DCC: variants seen among roughly 807,000 people sequenced by gnomAD.
DCC encodes the protein netrin receptor DCC.
A neutral mutation model predicts 172.5 loss-of-function variants in DCC; 58 were observed. That is an observed-to-expected ratio of 0.34 (90% CI 0.27 to 0.42). The LOEUF (loss-of-function observed/expected upper bound fraction) is 0.42, where lower values mean the gene tolerates loss of function less well. Ranked by LOEUF, DCC falls within the 10% of genes least tolerant of loss-of-function variation. DCC has a pLI of 1.00. For missense variants in DCC, 1,740 were observed against 1,791.0 expected (o/e 0.97, Z 0.51); for synonymous variants, 709 against 644.5 (o/e 1.10, Z -1.52).
chr18:53,293,206 C>G (rs2057025637), intron 12 of DCC, among the ~76,000 whole-genome samples: 1 of 152,168 alleles, frequency 6.6e-6, no homozygotes. Flanking sequence ...CATCCATGTT[C>G]ATACAGTCCG....
intron 1 of DCC, among the ~76,000 whole-genome samples, chr18:52,415,850 G>A (rs1329390068): frequency 1.3e-5 from 2 of 152,100 alleles, no homozygotes; most frequent in Non-Finnish European, 2.9e-5. Context: ...ATTTTTGAAG[G>A]ATTTTTTGTG....
At chr18:52,372,620 T>C (rs1386035641) in intron 1 of DCC, among the ~76,000 whole-genome samples, 1 of 129,084 alleles carries the variant, frequency 7.7e-6, no homozygotes, top group African/African-American at 2.5e-5. Flanking sequence ...CTTTTTGTCA[T>C]TTAACGTGAG....
intron 7 of DCC, among the ~76,000 whole-genome samples, chr18:53,136,203 A>G (rs866373465): frequency 6.2e-5 from 9 of 144,868 alleles, no homozygotes; most frequent in African/African-American, 2.4e-4. Context: ...TTATCTATCT[A>G]TCTATCTATA....
At chr18:52,396,610 T>A (rs1986240617) in intron 1 of DCC, among the ~76,000 whole-genome samples, 1 of 152,056 alleles carries the variant, frequency 6.6e-6, no homozygotes, top group Non-Finnish European at 1.5e-5. Context: ...TCTGTAGCTT[T>A]TACAACTCTC....
intron 1 of DCC, among the ~76,000 whole-genome samples, chr18:52,542,179 T>C (rs1196044162): frequency 6.6e-6 from 1 of 151,762 alleles, no homozygotes; most frequent in East Asian, 1.9e-4. Flanking sequence ...TACTACAGAA[T>C]GATCCACCTC....
intron 27 of DCC, among the ~76,000 whole-genome samples, chr18:53,504,775 A>G (rs1343933795): frequency 6.6e-6 from 1 of 152,224 alleles, no homozygotes; most frequent in Non-Finnish European, 1.5e-5. Context: ...AATAATTTCT[A>G]GAAGAGTCAT....
intron 1 of DCC, among the ~76,000 whole-genome samples, chr18:52,739,062 G>C (rs2145109469): frequency 6.6e-6 from 1 of 152,218 alleles, no homozygotes; most frequent in Middle Eastern, 3.4e-3. Flanking sequence ...TTTGTTTATA[G>C]TAGCATCACC....
intron 5 of DCC, chr18:52,965,240 T>C (rs2040910479): frequency 6.6e-6 from 1 of 152,172 alleles, no homozygotes; most frequent in Non-Finnish European, 1.5e-5. Flanking sequence ...CCATAAATAT[T>C]ATCTCAGAGA....
chr18:52,582,796 A>G (rs1323544680), intron 1 of DCC, among the ~76,000 whole-genome samples: 1 of 152,186 alleles, frequency 6.6e-6, no homozygotes, highest in Middle Eastern at 3.2e-3. Flanking sequence ...ACTAGTCAGG[A>G]AATCAGTGAA....
In DCC at chr18:52,988,042, T is replaced by C. The variant is rs190456507; in HGVS notation, c.985+62672T>C. Among the ~76,000 whole-genome samples, 193 of 152,350 alleles carry C rather than the reference T, an allele frequency of 1.3e-3. 2 individuals carry two copies. Among genetic ancestry groups the C allele is most frequent in the African/African-American group, 4.5e-3 (187 of 41,594 alleles). ...TAATTTGTATTTTAGTGTTTACTGG[T>C]TGGTTAATGAATATTGTGCTTGGGG... is the stretch of plus-strand genomic sequence containing the variant. On this transcript the variant is annotated intron_variant, in intron 5 of 28. Transcript: ENST00000442544.
chr18:53,351,343 ATATATACACAG>A (rs2057797832), intron 15 of DCC, among the ~76,000 whole-genome samples: 2 of 80,398 alleles, frequency 2.5e-5, no homozygotes, highest in African/African-American at 8.1e-5. Flanking sequence ...CAGTGTATAT[ATATATACACAG>A]TATATATATA....
At chr18:52,664,910 C>T (rs1310697901) in intron 1 of DCC, among the ~76,000 whole-genome samples, 1 of 152,148 alleles carries the variant, frequency 6.6e-6, no homozygotes. Flanking sequence ...TGTATAAATG[C>T]CCTCCCTCCA....
intron 1 of DCC, among the ~76,000 whole-genome samples, chr18:52,713,307 C>T (rs2036326243): frequency 6.6e-6 from 1 of 152,212 alleles, no homozygotes; most frequent in African/African-American, 2.4e-5. Context: ...GACTGCAGGG[C>T]TAATATCACA....
At chr18:53,428,133 A>C (rs1911161465) in intron 21 of DCC, among the ~76,000 whole-genome samples, 2 of 55,498 alleles carry the variant, frequency 3.6e-5, no homozygotes, top group African/African-American at 1.2e-4. Context: ...TATATAATAT[A>C]ATATAATAAT....
intron 5 of DCC, among the ~76,000 whole-genome samples, chr18:53,006,192 C>T (rs1362855883): frequency 2.6e-5 from 4 of 152,276 alleles, no homozygotes; most frequent in African/African-American, 9.6e-5. Flanking sequence ...AAAATTCAAA[C>T]TGGCTTTATG....
At chr18:52,588,870 T>A (rs1598936069) in intron 1 of DCC, among the ~76,000 whole-genome samples, 1 of 152,258 alleles carries the variant, frequency 6.6e-6, no homozygotes, top group East Asian at 1.9e-4. Context: ...CAGCATCTTT[T>A]TTTTTTTTAC....
chr18:53,427,273 G>C (rs1329224546), intron 21 of DCC, among the ~76,000 whole-genome samples: 1 of 152,022 alleles, frequency 6.6e-6, no homozygotes, highest in Non-Finnish European at 1.5e-5. Context: ...TGGTTTCTTA[G>C]ACCCCTAGGA....
In DCC at chr18:53,436,782, T is replaced by C. The variant is rs7233951; in HGVS notation, c.3229+1573T>C. 3.3e-3 allele frequency among the ~76,000 whole-genome samples: 497 copies of C among 152,240 alleles called. 3 individuals carry two copies. The highest frequency in any genetic ancestry group is 0.012 in the African/African-American group (481 of 41,526). ...GCTGCTATTAAAAAATACCCCAGATTTGGGGTAACTTATAAACAACAGAAA... is the reference window on the plus strand; with the variant it reads ...GCTGCTATTAAAAAATACCCCAGATCTGGGGTAACTTATAAACAACAGAAA... On this transcript the variant is annotated intron_variant, in intron 22 of 28. Coordinates refer to ENST00000442544, the MANE Select transcript of DCC (RefSeq NM_005215.4).
chr18:52,963,307 A>G (rs12957778), intron 5 of DCC, among the ~76,000 whole-genome samples: 51,997 of 147,306 alleles, frequency 0.35, 10,302 homozygotes, highest in East Asian at 0.54. Context: ...ATTTATGTGG[A>G]AAAAAAAAGG....
Sources: gnomAD v4.1 joint callset for allele counts (sites outside exome capture counted in the v4.1 genomes callset) on GRCh38, gnomAD v4.1.1 for gene constraint, MANE v1.5 for transcripts, NCBI Gene and HGNC (gene_info 2026-07-23, HGNC 2026-07-21) for gene names.